FMN2: variants seen among roughly 807,000 people sequenced by gnomAD.
FMN2 encodes formin 2.
Under a neutral mutation model 142.3 loss-of-function variants are expected in FMN2, and 51 were observed. The ratio of observed to expected loss-of-function variants is 0.36; its 90% confidence interval spans 0.29 to 0.45. The LOEUF (loss-of-function observed/expected upper bound fraction) is 0.45. Ranked by LOEUF, FMN2 falls within the 20% of genes least tolerant of loss-of-function variation. The pLI is 1.00. For synonymous variants in FMN2, 882 were observed against 869.8 expected (o/e 1.01, Z -0.25); for missense variants, 1,936 against 2,122.8 (o/e 0.91, Z 1.73).
chr1:240,260,687 C>G (rs576188558), intron 7 of FMN2, among the ~76,000 whole-genome samples: 6 of 152,194 alleles, frequency 3.9e-5, no homozygotes, highest in African/African-American at 1.4e-4. Context: ...TGAAGACTTT[C>G]TCCCACTCTG....
chr1:240,228,329 A>AG (rs1667407330), intron 6 of FMN2, among the ~76,000 whole-genome samples: 1 of 67,166 alleles, frequency 1.5e-5, no homozygotes, highest in Non-Finnish European at 2.7e-5. Context: ...AAAAAAAAAA[A>AG]AAAGAAAAAG....
intron 2 of FMN2, chr1:240,171,396 A>T (rs955043350): frequency 1.9e-6 from 1 of 532,634 alleles, no homozygotes; most frequent in African/African-American, 1.9e-5. Flanking sequence ...ACTCCAGAGA[A>T]TGGTGTGATG....
chr1:240,278,252 C>T (rs1450018627), intron 7 of FMN2, among the ~76,000 whole-genome samples: 1 of 152,162 alleles, frequency 6.6e-6, no homozygotes, highest in African/African-American at 2.4e-5. Context: ...ATCTTGGTCA[C>T]GATCTTTGGA....
At chr1:240,313,162 C>G (rs184532288) in intron 8 of FMN2, among the ~76,000 whole-genome samples, 1 of 152,182 alleles carries the variant, frequency 6.6e-6, no homozygotes, top group Non-Finnish European at 1.5e-5. Context: ...GTCTACAAAA[C>G]GATGAGTCGT....
chr1:240,201,717 C>A (rs749646742), intron 4 of FMN2, among the ~76,000 whole-genome samples: 3 of 151,902 alleles, frequency 2.0e-5, no homozygotes, highest in Non-Finnish European at 4.4e-5. Context: ...TTTTTAATTT[C>A]TTTTTTATGG....
At chr1:240,104,371 A>G (rs1298600736) in intron 1 of FMN2, among the ~76,000 whole-genome samples, 1 of 152,058 alleles carries the variant, frequency 6.6e-6, no homozygotes, top group African/African-American at 2.4e-5. Flanking sequence ...TTTAGGTATT[A>G]TTAACACTTT....
chr1:240,302,216 C>T (rs1670225383), intron 8 of FMN2, among the ~76,000 whole-genome samples: 1 of 151,826 alleles, frequency 6.6e-6, no homozygotes, highest in Non-Finnish European at 1.5e-5. Flanking sequence ...TTTGAGACTC[C>T]TTATCTTTGT....
chr1:240,398,191 A>G (rs1277401858), intron 15 of FMN2, among the ~76,000 whole-genome samples: 1 of 151,886 alleles, frequency 6.6e-6, no homozygotes, highest in African/African-American at 2.4e-5. Context: ...TTTAGTATAG[A>G]TGGGGTTTTG....
At chr1:240,434,621 A>G (rs1305820738) in intron 15 of FMN2, among the ~76,000 whole-genome samples, 11 of 150,152 alleles carry the variant, frequency 7.3e-5, no homozygotes, top group South Asian at 2.1e-4. Context: ...GAGTGCAGTG[A>G]CGCTATCTCA....
chr1:240,334,649 T>TTTC (rs199755202), intron 13 of FMN2, among the ~76,000 whole-genome samples: 4,960 of 97,660 alleles, frequency 0.051, 267 homozygotes, highest in African/African-American at 0.23. Context: ...GGGAACAAAA[T>TTTC]ATCTTCTACT....
At chr1:240,326,904 T>A (rs1044681220) in intron 8 of FMN2, among the ~76,000 whole-genome samples, 2 of 152,128 alleles carry the variant, frequency 1.3e-5, no homozygotes, top group African/African-American at 4.8e-5. Context: ...TCTGTATTCT[T>A]AGCTTTAATG....
intron 6 of FMN2, among the ~76,000 whole-genome samples, chr1:240,252,953 C>CTTTTTTTTTTTTTTCTTTTTTTTT (rs1668327852): frequency 1.5e-5 from 1 of 65,346 alleles, no homozygotes. Flanking sequence ...GTCTTGTTCA[C>CTTTTTTTTTTTTTTCTTTTTTTTT]TTTTTTTTTT....
intron 15 of FMN2, among the ~76,000 whole-genome samples, chr1:240,413,121 A>C (rs1318316503): frequency 0.016 from 410 of 25,334 alleles, 12 homozygotes; most frequent in African/African-American, 0.059. Flanking sequence ...AGACTCTGTC[A>C]AAAAAAAAAA....
At chr1:240,275,454 G>A (rs1180562352) in intron 7 of FMN2, among the ~76,000 whole-genome samples, 3 of 152,060 alleles carry the variant, frequency 2.0e-5, no homozygotes, top group African/African-American at 2.4e-5. Flanking sequence ...ATTCCATGGT[G>A]TATATGTGCC....
chr1:240,236,335 C>G (rs1667709044), intron 6 of FMN2, among the ~76,000 whole-genome samples: 1 of 152,180 alleles, frequency 6.6e-6, no homozygotes, highest in South Asian at 2.1e-4. Flanking sequence ...ATGCCTTTAA[C>G]TACATACTTC....
At chr1:240,341,283 C>A (rs529888870) in intron 13 of FMN2, 1 of 152,078 alleles carries the variant, frequency 6.6e-6, no homozygotes, top group African/African-American at 2.4e-5. Context: ...TATTAAAGTC[C>A]TTTTCAGCTG....
intron 2 of FMN2, among the ~76,000 whole-genome samples, chr1:240,141,574 T>G (rs1663185991): frequency 6.6e-6 from 1 of 152,120 alleles, no homozygotes; most frequent in South Asian, 2.1e-4. Flanking sequence ...TTCACCATGT[T>G]GGCCAGGATG....
intron 6 of FMN2, among the ~76,000 whole-genome samples, chr1:240,232,486 T>C (rs1399620281): frequency 2.6e-5 from 4 of 152,190 alleles, no homozygotes; most frequent in Non-Finnish European, 4.4e-5. Flanking sequence ...ATCCAGACCA[T>C]GTCAGCTTCT....
At chr1:240,153,200 G>A (rs187986526) in intron 2 of FMN2, among the ~76,000 whole-genome samples, 1 of 152,092 alleles carries the variant, frequency 6.6e-6, no homozygotes, top group African/African-American at 2.4e-5. Flanking sequence ...TATTTACAAC[G>A]TGGGCTGTAA....
Sources: gnomAD v4.1 joint callset for allele counts (sites outside exome capture counted in the v4.1 genomes callset) on GRCh38, gnomAD v4.1.1 for gene constraint, MANE v1.5 for transcripts, NCBI Gene and HGNC (gene_info 2026-07-23, HGNC 2026-07-21) for gene names.